The following LRRTM4 variants were observed in gnomAD, a reference collection of about 807,000 sequenced individuals.
LRRTM4 encodes the protein leucine rich repeat transmembrane neuronal 4.
A neutral mutation model predicts 47.6 loss-of-function variants in LRRTM4; 25 were observed. That is an observed-to-expected ratio of 0.53 (90% CI 0.38 to 0.73). LRRTM4 has a LOEUF of 0.73. Ranked by LOEUF, LRRTM4 falls within the 30% of genes least tolerant of loss-of-function variation. The pLI, the probability that LRRTM4 is intolerant of heterozygous loss-of-function variation, is 0.00. For missense variants in LRRTM4, 638 were observed against 713.4 expected (o/e 0.89, Z 1.20); for synonymous variants, 311 against 269.5 (o/e 1.15, Z -1.51).
At chr2:77,099,147 A>G (rs1670885011) in intron 3 of LRRTM4, among the ~76,000 whole-genome samples, 1 of 151,978 alleles carries the variant, frequency 6.6e-6, no homozygotes, top group South Asian at 2.1e-4. Flanking sequence ...TTGATACAAG[A>G]ATGTTCACAA....
At chr2:76,842,737 T>C (rs561194422) in intron 3 of LRRTM4, among the ~76,000 whole-genome samples, 2 of 149,520 alleles carry the variant, frequency 1.3e-5, no homozygotes, top group East Asian at 2.0e-4. Flanking sequence ...TTTTGTTTGT[T>C]TGTCTGTTTT....
chr2:77,247,586 T>C (rs1675481903), intron 3 of LRRTM4, among the ~76,000 whole-genome samples: 1 of 152,122 alleles, frequency 6.6e-6, no homozygotes, highest in Non-Finnish European at 1.5e-5. Context: ...AGTTACAAAC[T>C]ACCTAATAAC....
At chr2:77,163,544 G>T (rs922380246) in intron 3 of LRRTM4, among the ~76,000 whole-genome samples, 2 of 152,152 alleles carry the variant, frequency 1.3e-5, no homozygotes, top group African/African-American at 4.8e-5. Context: ...CAAAGATGAC[G>T]TGAAGGAAAA....
chr2:76,816,083 A>C (rs1327138977), intron 3 of LRRTM4, among the ~76,000 whole-genome samples: 1 of 152,112 alleles, frequency 6.6e-6, no homozygotes, highest in South Asian at 2.1e-4. Context: ...GATCAAATTC[A>C]CAAGTCTGTA....
intron 3 of LRRTM4, among the ~76,000 whole-genome samples, chr2:77,403,573 C>G (rs541714841): frequency 2.1e-4 from 32 of 151,494 alleles, no homozygotes; most frequent in Non-Finnish European, 4.3e-4. Flanking sequence ...TTTTTTATTT[C>G]TTCATCTCCT....
At chr2:77,336,041 A>C (rs929641058) in intron 3 of LRRTM4, among the ~76,000 whole-genome samples, 1 of 152,000 alleles carries the variant, frequency 6.6e-6, no homozygotes, top group Non-Finnish European at 1.5e-5. Context: ...AGTAGTTGCA[A>C]ACTACTGATC....
At chr2:76,767,301 T>C (rs1332187782) in intron 3 of LRRTM4, among the ~76,000 whole-genome samples, 3 of 152,224 alleles carry the variant, frequency 2.0e-5, no homozygotes, top group Non-Finnish European at 4.4e-5. Context: ...TTCTTTCATC[T>C]GTACTAATTG....
Position 77,250,895 on chromosome 2 carries a change from G to A in LRRTM4, c.1551+267423C>T, listed in dbSNP as rs567944724. Among the ~76,000 whole-genome samples, 14 of 152,158 alleles carry A rather than the reference G, an allele frequency of 9.2e-5. No homozygotes were observed. The East Asian group carries it at 2.3e-3, about 25-fold the overall frequency. On this transcript the variant is annotated intron_variant, in intron 3 of 3. Transcript: ENST00000409884. ...GAGGAGGGCAGATCACCTGAGGTGG[G>A]GAGTTCGAGACCAGTCTGACCAACA... is the stretch of plus-strand genomic sequence containing the variant.
chr2:77,137,092 C>T (rs1671967152), intron 3 of LRRTM4, among the ~76,000 whole-genome samples: 8 of 151,798 alleles, frequency 5.3e-5, no homozygotes, highest in Admixed American at 5.2e-4. Flanking sequence ...CCTACCAAGG[C>T]AGGTCAACAT....
chr2:77,398,288 G>T (rs982556845), intron 3 of LRRTM4, among the ~76,000 whole-genome samples: 1 of 151,872 alleles, frequency 6.6e-6, no homozygotes, highest in African/African-American at 2.4e-5. Context: ...GCTAAAACAG[G>T]TCTAGAACAT....
At chr2:76,783,798 TA>T (rs1397252108) in intron 3 of LRRTM4, among the ~76,000 whole-genome samples, 1 of 152,096 alleles carries the variant, frequency 6.6e-6, no homozygotes, top group African/African-American at 2.4e-5. Flanking sequence ...ATCAGACAAG[TA>T]AAAAAGAAAT....
At chr2:77,298,693 T>A (rs927246264) in intron 3 of LRRTM4, among the ~76,000 whole-genome samples, 1 of 152,200 alleles carries the variant, frequency 6.6e-6, no homozygotes, top group African/African-American at 2.4e-5. Flanking sequence ...GAACTAGCAA[T>A]GCAGTTTGCC....
intron 3 of LRRTM4, among the ~76,000 whole-genome samples, chr2:76,876,643 C>T (rs1027315127): frequency 1.3e-5 from 2 of 151,928 alleles, no homozygotes; most frequent in Non-Finnish European, 2.9e-5. Context: ...TGCTCTACTT[C>T]TTTCTTGCTT....
intron 3 of LRRTM4, among the ~76,000 whole-genome samples, chr2:76,953,803 C>G (rs1280322606): frequency 3.9e-5 from 6 of 151,914 alleles, no homozygotes; most frequent in Admixed American, 3.9e-4. Context: ...GTTTGAGGTA[C>G]TGATTACTGT....
intron 3 of LRRTM4, among the ~76,000 whole-genome samples, chr2:76,761,041 A>G (rs1049223397): frequency 3.9e-5 from 6 of 152,236 alleles, no homozygotes; most frequent in Admixed American, 1.3e-4. Context: ...AGGCCACACT[A>G]TGTTTAGAAA....
At chr2:76,820,596 A>C (rs765305343) in intron 3 of LRRTM4, among the ~76,000 whole-genome samples, 1 of 151,708 alleles carries the variant, frequency 6.6e-6, no homozygotes, top group Non-Finnish European at 1.5e-5. Context: ...ATCTTGAAGG[A>C]ATTAGATAGC....
intron 3 of LRRTM4, among the ~76,000 whole-genome samples, chr2:76,875,983 G>C (rs1455424374): frequency 1.3e-5 from 2 of 151,988 alleles, no homozygotes; most frequent in African/African-American, 4.8e-5. Context: ...ACCAGTTATG[G>C]GAGAAACCAT....
At chr2:76,874,229 CAAG>C (rs1399558987) in intron 3 of LRRTM4, among the ~76,000 whole-genome samples, 7 of 151,872 alleles carry the variant, frequency 4.6e-5, no homozygotes, top group Non-Finnish European at 1.0e-4. Flanking sequence ...AGAAAACAGT[CAAG>C]GAAGTCTGAC....
At chr2:76,904,580 T>C (rs957585060) in intron 3 of LRRTM4, among the ~76,000 whole-genome samples, 18 of 152,156 alleles carry the variant, frequency 1.2e-4, no homozygotes, top group African/African-American at 1.9e-4. Context: ...AGTGGGAGTA[T>C]AGAAAATCTT....
Sources: gnomAD v4.1 joint callset for allele counts (sites outside exome capture counted in the v4.1 genomes callset) on GRCh38, gnomAD v4.1.1 for gene constraint, MANE v1.5 for transcripts, NCBI Gene and HGNC (gene_info 2026-07-23, HGNC 2026-07-21) for gene names.